The following GRID2 variants were observed in gnomAD, a reference collection of about 807,000 sequenced individuals.
GRID2 encodes glutamate receptor ionotropic, delta-2.
In GRID2, 33 loss-of-function variants were observed where a neutral mutation model predicts 114.8. That is an observed-to-expected ratio of 0.29 (90% CI 0.22 to 0.38). The LOEUF is 0.38. Among genes scored for constraint, GRID2 ranks in the 10% least tolerant of loss-of-function variants. GRID2 has a pLI of 1.00. For missense variants in GRID2, 1,184 were observed against 1,257.7 expected (o/e 0.94, Z 0.89); for synonymous variants, 505 against 449.9 (o/e 1.12, Z -1.55).
At chr4:93,743,083 C>T (rs1047599801) in intron 14 of GRID2, among the ~76,000 whole-genome samples, 4 of 152,142 alleles carry the variant, frequency 2.6e-5, no homozygotes, top group Non-Finnish European at 4.4e-5. Context: ...GAAAGTGAAA[C>T]AGCCTTATTA....
chr4:92,727,244 A>G lies in GRID2; in HGVS notation c.244+136958A>G, dbSNP rs566597826. Among the ~76,000 whole-genome samples, 11 of 152,190 alleles carry G rather than the reference A, an allele frequency of 7.2e-5. No homozygotes were observed. In the East Asian group the frequency reaches 9.6e-4, roughly 13 times the overall value. On this transcript the variant is annotated intron_variant, in intron 2 of 15. Coordinates refer to ENST00000282020, the MANE Select transcript of GRID2 (RefSeq NM_001510.4). ...AAGTTCGTATACAATAAAAAGACTT[A>G]ATTTACAAAATGGTGTTTTAAAGTG...
At chr4:92,924,009 A>G (rs1207494657) in intron 2 of GRID2, among the ~76,000 whole-genome samples, 1 of 152,190 alleles carries the variant, frequency 6.6e-6, no homozygotes, top group African/African-American at 2.4e-5. Context: ...CATATGTCCA[A>G]CAATGATAGA....
chr4:92,950,885 A>G lies in GRID2; in HGVS notation c.245-134110A>G, dbSNP rs147083380. On this transcript the variant is annotated intron_variant, in intron 2 of 15. Transcript: ENST00000282020. The stretch of plus-strand genomic sequence containing the variant: ...TATTTCAGTTCTGGAGTGCCCACAT[A>G]TTCTGTAGCTTTGAAAATTACTTGG... Among the ~76,000 whole-genome samples, 13 of 152,264 alleles carry G rather than the reference A, an allele frequency of 8.5e-5. 1 individual carries two copies. Among genetic ancestry groups the G allele is most frequent in the African/African-American group, 2.9e-4 (12 of 41,554 alleles).
intron 13 of GRID2, among the ~76,000 whole-genome samples, chr4:93,551,266 A>C (rs868804822): frequency 2.6e-4 from 39 of 152,216 alleles, no homozygotes; most frequent in African/African-American, 9.2e-4. Flanking sequence ...TAAAGCATAG[A>C]AGGAGACAGG....
intron 7 of GRID2, among the ~76,000 whole-genome samples, chr4:93,231,377 C>G (rs937411515): frequency 1.4e-5 from 2 of 143,050 alleles, no homozygotes; most frequent in Non-Finnish European, 3.0e-5. Flanking sequence ...TGGAATTACC[C>G]CGCACCCCCT....
chr4:92,503,017 CA>C (rs796130039), intron 1 of GRID2, among the ~76,000 whole-genome samples: 79 of 151,936 alleles, frequency 5.2e-4, no homozygotes, highest in African/African-American at 1.9e-3. Flanking sequence ...TTTTCAAAAG[CA>C]AAGATAAAAA....
intron 13 of GRID2, among the ~76,000 whole-genome samples, chr4:93,560,444 G>A (rs921644709): frequency 2.0e-5 from 3 of 151,650 alleles, no homozygotes; most frequent in South Asian, 2.1e-4. Flanking sequence ...CAAGTGTGGC[G>A]GGGAGCTGCC....
chr4:92,698,023 AT>A (rs1256994602), intron 2 of GRID2, among the ~76,000 whole-genome samples: 2 of 152,158 alleles, frequency 1.3e-5, no homozygotes, highest in African/African-American at 4.8e-5. Flanking sequence ...ACATCAACTC[AT>A]TCTGAAAAAA....
chr4:92,830,478 C>G (rs1386375629), intron 2 of GRID2, among the ~76,000 whole-genome samples: 1 of 152,186 alleles, frequency 6.6e-6, no homozygotes, highest in East Asian at 1.9e-4. Flanking sequence ...AAGGCATTCA[C>G]TGTCTTCTAG....
At chr4:92,341,039 C>T (rs1727454594) in intron 1 of GRID2, among the ~76,000 whole-genome samples, 1 of 151,426 alleles carries the variant, frequency 6.6e-6, no homozygotes, top group Admixed American at 6.6e-5. Context: ...AATATCACCT[C>T]AGTATTATAT....
chr4:92,393,647 GT>G (rs1347688443), intron 1 of GRID2, among the ~76,000 whole-genome samples: 1 of 151,994 alleles, frequency 6.6e-6, no homozygotes, highest in Non-Finnish European at 1.5e-5. Flanking sequence ...AATTTTCATT[GT>G]TTTATTTGAC....
At chr4:92,531,961 A>G (rs1725380294) in intron 1 of GRID2, among the ~76,000 whole-genome samples, 1 of 152,148 alleles carries the variant, frequency 6.6e-6, no homozygotes, top group Admixed American at 6.6e-5. Context: ...AAGATATGCC[A>G]ATGTGTGTGT....
intron 8 of GRID2, among the ~76,000 whole-genome samples, chr4:93,354,815 GATAT>G (rs34883996): frequency 1.2e-4 from 17 of 140,188 alleles, no homozygotes; most frequent in East Asian, 8.2e-4. Context: ...TTATAAATAA[GATAT>G]ATATATATAT....
At chr4:92,452,461 G>A (rs1720976059) in intron 1 of GRID2, among the ~76,000 whole-genome samples, 1 of 151,860 alleles carries the variant, frequency 6.6e-6, no homozygotes, top group Admixed American at 6.6e-5. Context: ...GGGATTACAG[G>A]CATGCCACTG....
At chr4:93,151,120 CAAA>C (rs3078717) in intron 4 of GRID2, among the ~76,000 whole-genome samples, 2 of 102,512 alleles carry the variant, frequency 2.0e-5, no homozygotes, top group Admixed American at 1.1e-4. Context: ...TAAGACTCCT[CAAA>C]AAAAAAAAAA....
In GRID2 at chr4:92,801,300, A is replaced by G. The variant is rs569152420; in HGVS notation, c.244+211014A>G. Among the ~76,000 whole-genome samples the G allele has an allele frequency of 3.9e-5, 6 of 152,064 alleles. No individual in the cohort carries two copies. The South Asian group carries it at 1.0e-3, about 26-fold the overall frequency. On this transcript the variant is annotated intron_variant, in intron 2 of 15. Coordinates refer to ENST00000282020, the MANE Select transcript of GRID2 (RefSeq NM_001510.4). ...GTGTGTCTTGTCTTAAAAGTTTAAC[A>G]TATGTTCACAATATTATGCTAAGTT...
chr4:93,312,201 A>G (rs966393487), intron 8 of GRID2, among the ~76,000 whole-genome samples: 5 of 152,346 alleles, frequency 3.3e-5, no homozygotes, highest in Admixed American at 6.5e-5. Context: ...TACAGAAGTT[A>G]ACTCATAGAA....
At chr4:92,646,869 C>A (rs972702558) in intron 2 of GRID2, among the ~76,000 whole-genome samples, 6 of 151,568 alleles carry the variant, frequency 4.0e-5, no homozygotes, top group Admixed American at 2.0e-4. Context: ...CAAACTTATA[C>A]AATCACAGTC....
At chr4:93,066,980 G>A (rs1431904493) in intron 2 of GRID2, among the ~76,000 whole-genome samples, 1 of 151,958 alleles carries the variant, frequency 6.6e-6, no homozygotes, top group Admixed American at 6.6e-5. Context: ...GAAGCAGCAT[G>A]GTGTGAGGTT....
Sources: allele counts gnomAD v4.1 joint callset (sites outside exome capture counted in the v4.1 genomes callset), GRCh38; gene constraint gnomAD v4.1.1; transcripts MANE v1.5; gene names NCBI Gene and HGNC (gene_info 2026-07-23, HGNC 2026-07-21).